SYNE2: variants seen among roughly 807,000 people sequenced by gnomAD.
SYNE2 encodes the protein nesprin-2.
A neutral mutation model predicts 856.3 loss-of-function variants in SYNE2; 431 were observed. The ratio of observed to expected loss-of-function variants is 0.50; its 90% CI spans 0.47 to 0.55. The LOEUF is 0.55. Among genes scored for constraint, SYNE2 ranks in the 20% least tolerant of loss-of-function variants. The pLI, the probability that SYNE2 is intolerant of heterozygous loss-of-function variation, is 0.00. For missense variants in SYNE2, 8,129 were observed against 8,023.2 expected (o/e 1.01, Z -0.50); for synonymous variants, 2,923 against 2,872.3 (o/e 1.02, Z -0.56).
Position 64,226,220 on chromosome 14 carries a change from C to CTAATG in SYNE2, c.*698_*702dup, listed in dbSNP as rs1041824888. ...ATTAGATTTTAGCTGGAGCTTTTGA[C>CTAATG]TAATGTAAAGTAAATGCCAAACTAC... On this transcript the variant is annotated 3_prime_UTR_variant, in exon 116 of 116. Transcript: ENST00000555002. The CTAATG allele has an allele frequency of 2.0e-5, 3 of 152,090 alleles. No individual in the cohort carries two copies. Among genetic ancestry groups the CTAATG allele is most frequent in the African/African-American group, 7.3e-5 (3 of 41,192 alleles). 9.4% of individuals were successfully genotyped at this position (152,090 alleles called of 1,614,324 possible).
In SYNE2 at chr14:64,165,249, G is replaced by A. The variant is rs375204464; in HGVS notation, c.16480-36G>A. ...GTTTAATTCTGTTTTATATGTACAT[G>A]AAAATAGTTTCTAATGAAAATTTCT... On this transcript the variant is annotated intron_variant, in intron 89 of 115. Transcript: ENST00000555002. The A allele has an allele frequency of 3.9e-5, 62 of 1,606,264 alleles. 1 individual carries two copies. In the Admixed American group the frequency reaches 4.0e-4, roughly 10 times the overall value.
intron 1 of SYNE2, among the ~76,000 whole-genome samples, chr14:63,871,604 A>T (rs898980199): frequency 2.7e-5 from 4 of 147,564 alleles, no homozygotes; most frequent in Non-Finnish European, 6.0e-5. Context: ...AAGAGATGTC[A>T]TTTTTTTTTT....
At position 64,053,062 on chromosome 14, in the gene SYNE2, C is replaced by T. The variant is rs763273577; in HGVS notation, c.9149C>T (p.Ala3050Val). The stretch of plus-strand genomic sequence containing the variant: ...GAGGAAGAACATGGCAAATATCAGG[C>T]ATTATTAAGTAAAATGAGAGCTATT... Reference protein sequence around the residue: ...TFEEEHGKYQALLSKMRAIDL... With the variant: ...TFEEEHGKYQVLLSKMRAIDL... The change falls in exon 48 of 116, where the codon GCA becomes GTA. Residue 3050 changes from alanine to valine, a missense_variant. Transcript: ENST00000555002. The T allele has an allele frequency of 6.2e-7, 1 of 1,613,814 alleles. No homozygotes were observed. The highest frequency in any genetic ancestry group is 1.3e-5 in the African/African-American group (1 of 74,860).
rs369447974 is a variant in SYNE2, at chr14:64,064,542, A to ATTT, written c.10213-867_10213-865dup. On this transcript the variant is annotated intron_variant, in intron 50 of 115. Coordinates refer to ENST00000555002, the MANE Select transcript of SYNE2 (RefSeq NM_182914.3). ...ATAATGAGGGCTGTTGTACTTTTAGATTTTTTTTTTTTTTTTTTTTTTTTT... is the reference window on the plus strand; with the variant it reads ...ATAATGAGGGCTGTTGTACTTTTAGATTTTTTTTTTTTTTTTTTTTTTTTTTTT... 1.7e-4 allele frequency among the ~76,000 whole-genome samples: 18 copies of ATTT among 103,612 alleles called. No individual in the cohort carries two copies. In the East Asian group the frequency reaches 1.8e-3, roughly 10 times the overall value. The allele number at this position is 103,612 out of a possible 152,430, so 68.0% of individuals were successfully genotyped here.
Position 64,041,676 on chromosome 14 carries a change from G to A in SYNE2, c.7222-6324G>A, listed in dbSNP as rs114716429. On this transcript the variant is annotated intron_variant, in intron 45 of 115. Transcript: ENST00000555002. ...CCAGCCTGAGCAGCATAGAAGACCC[G>A]ATCTCTAGAAAAAAATTTTTTAAAT... Among the ~76,000 whole-genome samples the A allele has an allele frequency of 5.6e-3, 845 of 151,704 alleles. 12 individuals carry two copies. Among genetic ancestry groups the A allele is most frequent in the African/African-American group, 0.02 (821 of 41,342 alleles).
chr14:64,038,693 A>C (rs1429815576), intron 45 of SYNE2, among the ~76,000 whole-genome samples: 5 of 152,240 alleles, frequency 3.3e-5, no homozygotes, highest in African/African-American at 4.8e-5. Context: ...AAATACGAAA[A>C]CCAGTCAGGC....
intron 98 of SYNE2, 66 bp downstream of exon 98, chr14:64,188,774 T>G: frequency 1.9e-6 from 3 of 1,559,214 alleles, no homozygotes; most frequent in Non-Finnish European, 2.6e-6. Context: ...TCCTCACTCC[T>G]AAGCCCAAAC....
In SYNE2 at chr14:63,993,944, G is replaced by A; in HGVS notation, c.2756G>A (p.Ser919Asn). 6.2e-7 allele frequency: 1 copy of A among 1,613,860 alleles called. No homozygotes were observed. Residue 919 changes from serine to asparagine, a missense_variant, in exon 22 of 116, where the codon AGT (serine) becomes AAT (asparagine). Transcript: ENST00000555002. ...ATAAAGATGTCTTTAGAAGAAAAGA[G>A]TAGAGATGTCTGTGCCAAATGGGAG... is the stretch of plus-strand genomic sequence containing the variant. ...EDIKMSLEEK[S>N]RDVCAKWESL... is the part of the protein sequence containing the mutation.
At chr14:63,852,024 T>TGGGGG (rs1890563807), upstream of SYNE2, among the ~76,000 whole-genome samples, 2 of 37,398 alleles carry the variant, frequency 5.3e-5, no homozygotes, top group Non-Finnish European at 1.1e-4. Context: ...GGGGGGGGGT[T>TGGGGG]GAGGCTGGAG....
chr14:64,010,221 G>T, intron 32 of SYNE2, 105 bp downstream of exon 32: 1 of 1,234,078 alleles, frequency 8.1e-7, no homozygotes, highest in East Asian at 2.6e-5. Flanking sequence ...TCGTTTAAAA[G>T]AAGTTACTAG....
rs78771324 is a variant in SYNE2, at chr14:63,935,639, C to G, written c.80-4975C>G. 1.1e-3 allele frequency among the ~76,000 whole-genome samples: 173 copies of G among 152,190 alleles called. 2 individuals carry two copies. In the East Asian group the frequency reaches 0.015, roughly 13 times the overall value. The stretch of plus-strand genomic sequence containing the variant: ...TGTAGTAGAAGGTAGAACAGACAAC[C>G]TTAAGAGAAAGGACTGTGAACTCAT... On this transcript the variant is annotated intron_variant, in intron 2 of 115. Transcript: ENST00000555002.
chr14:64,057,384 T>G (rs1392197509), intron 49 of SYNE2, among the ~76,000 whole-genome samples: 2 of 152,236 alleles, frequency 1.3e-5, no homozygotes, highest in East Asian at 3.8e-4. Context: ...TTTGTCTTTC[T>G]GTGCCTGGCT....
intron 84 of SYNE2, among the ~76,000 whole-genome samples, chr14:64,151,147 AT>A (rs370165103): frequency 6.6e-6 from 1 of 151,952 alleles, no homozygotes; most frequent in African/African-American, 2.4e-5. Flanking sequence ...TATGGAACAG[AT>A]TTTTTTCCCT....
intron 26 of SYNE2, among the ~76,000 whole-genome samples, 169 bp downstream of exon 26, chr14:63,998,497 A>T (rs1005670219): frequency 1.3e-5 from 2 of 152,094 alleles, no homozygotes; most frequent in Admixed American, 1.3e-4. Context: ...GTAATTTTAA[A>T]ATATTTCTTT....
intron 90 of SYNE2, among the ~76,000 whole-genome samples, chr14:64,166,219 C>T (rs1185868692): frequency 6.6e-6 from 1 of 152,096 alleles, no homozygotes; most frequent in African/African-American, 2.4e-5. Context: ...TGGAACACAG[C>T]CATGCCCTTT....
At chr14:63,963,071 C>T (rs1388393592) in intron 9 of SYNE2, among the ~76,000 whole-genome samples, 1 of 152,114 alleles carries the variant, frequency 6.6e-6, no homozygotes, top group East Asian at 1.9e-4. Flanking sequence ...TGTTTACATG[C>T]ATTTTATTTG....
At chr14:64,183,285 G>A (rs1176459545) in intron 96 of SYNE2, among the ~76,000 whole-genome samples, 8 of 151,210 alleles carry the variant, frequency 5.3e-5, no homozygotes, top group Admixed American at 3.3e-4. Flanking sequence ...ACAGGGTGGC[G>A]GCCGGGCAGA....
At chr14:63,999,108 G>A (rs2096734759) in intron 27 of SYNE2, 68 bp downstream of exon 27, 1 of 1,485,774 alleles carries the variant, frequency 6.7e-7, no homozygotes, top group Non-Finnish European at 9.3e-7. Context: ...TGTGAGTCTG[G>A]ACATCCCCTT....
At chr14:64,029,829 A>G in intron 43 of SYNE2, 66 bp from the exon 44 acceptor site, 1 of 1,526,064 alleles carries the variant, frequency 6.6e-7, no homozygotes, top group Non-Finnish European at 9.0e-7. Context: ...TAGTCATTTA[A>G]TTATTTTGTG....
Sources: allele counts gnomAD v4.1 joint callset (sites outside exome capture counted in the v4.1 genomes callset), GRCh38; gene constraint gnomAD v4.1.1; transcripts MANE v1.5; gene names NCBI Gene and HGNC (gene_info 2026-07-23, HGNC 2026-07-21).